The following FAT3 variants were observed in gnomAD, a reference collection of about 807,000 sequenced individuals.
FAT3 encodes protocadherin Fat 3.
FAT3 carries 95 observed loss-of-function variants against 310.2 expected under a neutral mutation model. That is an observed-to-expected ratio of 0.31 (90% CI 0.26 to 0.36). FAT3 has a LOEUF of 0.36. FAT3 is among the 10% of genes least tolerant of loss of function. The pLI is 1.00. For missense variants in FAT3, 5,408 were observed against 5,715.6 expected, an observed-to-expected ratio of 0.95 and a Z score of 1.74; for synonymous variants, 2,314 against 2,192.9, an observed-to-expected ratio of 1.06 and a Z score of -1.54.
intron 2 of FAT3, among the ~76,000 whole-genome samples, chr11:92,451,428 C>A (rs1164566331): frequency 1.3e-5 from 2 of 152,162 alleles, no homozygotes; most frequent in Non-Finnish European, 2.9e-5. Flanking sequence ...TTGGATATTT[C>A]TCTGACCTTG....
At chr11:92,596,547 G>A (rs936637453) in intron 3 of FAT3, among the ~76,000 whole-genome samples, 3 of 152,162 alleles carry the variant, frequency 2.0e-5, no homozygotes, top group Non-Finnish European at 4.4e-5. Flanking sequence ...ACCATCTCAT[G>A]CACAGACAAT....
intron 3 of FAT3, among the ~76,000 whole-genome samples, chr11:92,604,953 G>A (rs763344717): frequency 8.5e-5 from 13 of 152,276 alleles, no homozygotes; most frequent in East Asian, 5.8e-4. Context: ...TGCCTTCTGC[G>A]TGATGCTTAT....
At chr11:92,276,273 T>A (rs551176898) in intron 1 of FAT3, among the ~76,000 whole-genome samples, 23 of 152,132 alleles carry the variant, frequency 1.5e-4, no homozygotes, top group Non-Finnish European at 3.1e-4. Flanking sequence ...ATCACAGAAG[T>A]TAGAGCCAAA....
At chr11:92,314,585 G>A (rs1426401155) in intron 1 of FAT3, among the ~76,000 whole-genome samples, 1 of 152,150 alleles carries the variant, frequency 6.6e-6, no homozygotes, top group Non-Finnish European at 1.5e-5. Flanking sequence ...AGCAGTTACA[G>A]GCTGCCAGTA....
In FAT3 at chr11:92,883,269, C is replaced by T. The variant is rs527334155; in HGVS notation, c.12813C>T (p.Pro4271=). 1 of 1,612,852 alleles carries T rather than the reference C, an allele frequency of 6.2e-7. No homozygotes were observed. The highest frequency in any genetic ancestry group is 1.3e-5 in the African/African-American group (1 of 75,042). The change falls in exon 24 of 28, where the codon CCC becomes CCT. Residue 4271 remains proline, a synonymous_variant. Coordinates refer to ENST00000525166, the MANE Select transcript of FAT3 (RefSeq NM_001367949.2). The surrounding 1 kb of genome is among the most constrained non-coding windows in gnomAD (Gnocchi z 4.2). The part of the protein sequence containing the change: ...QEMTTFHPES[P]RILTARRGVV... ...TGACCACGTTTCACCCTGAGTCGCC[C>T]CGCATCCTGACAGCCCGGCGGGGCG...
At chr11:92,403,107 A>C (rs1275387034) in intron 2 of FAT3, 2 of 152,266 alleles carry the variant, frequency 1.3e-5, no homozygotes, top group African/African-American at 4.8e-5. Flanking sequence ...CTCAGCTTAC[A>C]TACGCAGAGC....
intron 3 of FAT3, chr11:92,559,316 A>G: frequency 5.1e-6 from 1 of 194,554 alleles, no homozygotes; most frequent in Non-Finnish European, 1.1e-5. Context: ...CCTGAGCCCC[A>G]AGCAACAACT....
chr11:92,268,331 C>T (rs1237306438), intron 1 of FAT3, among the ~76,000 whole-genome samples: 2 of 152,100 alleles, frequency 1.3e-5, no homozygotes, highest in Admixed American at 1.3e-4. Flanking sequence ...ATTAAAGCCA[C>T]TCAGCTCCTT....
At chr11:92,575,563 A>G (rs1938438649) in intron 3 of FAT3, among the ~76,000 whole-genome samples, 1 of 152,180 alleles carries the variant, frequency 6.6e-6, no homozygotes, top group African/African-American at 2.4e-5. Context: ...CCCTTTGACA[A>G]TGTTAACATT....
intron 4 of FAT3, among the ~76,000 whole-genome samples, chr11:92,747,995 C>T (rs1055412091): frequency 4.6e-5 from 7 of 152,208 alleles, no homozygotes; most frequent in Admixed American, 1.3e-4. Flanking sequence ...TTACTGAGTT[C>T]CAAAGTCACT....
chr11:92,789,318 A>C (rs1320280565), intron 7 of FAT3, among the ~76,000 whole-genome samples: 2 of 152,208 alleles, frequency 1.3e-5, no homozygotes, highest in Non-Finnish European at 2.9e-5. Context: ...TGTTCATTAC[A>C]CTATTTTATA....
intron 2 of FAT3, among the ~76,000 whole-genome samples, chr11:92,406,252 CTT>C (rs1198726160): frequency 6.6e-6 from 1 of 152,118 alleles, no homozygotes; most frequent in East Asian, 1.9e-4. Flanking sequence ...AAAAGAGACT[CTT>C]TTACCATTTG....
intron 3 of FAT3, among the ~76,000 whole-genome samples, chr11:92,622,292 A>AAG (rs397803204): frequency 1.3e-5 from 2 of 152,054 alleles, no homozygotes; most frequent in African/African-American, 4.8e-5. Context: ...AAAAAAAAAA[A>AAG]TGGTGGAACA....
At chr11:92,478,460 A>G (rs905437804) in intron 2 of FAT3, among the ~76,000 whole-genome samples, 2 of 152,098 alleles carry the variant, frequency 1.3e-5, no homozygotes, top group African/African-American at 4.8e-5. Flanking sequence ...GCGACTACCA[A>G]TTATTGCTTC....
intron 3 of FAT3, among the ~76,000 whole-genome samples, chr11:92,667,669 T>A (rs935693754): frequency 7.9e-5 from 12 of 152,128 alleles, no homozygotes; most frequent in Non-Finnish European, 1.5e-5. Context: ...ACTGATGTCA[T>A]CCCTAGCAAC....
rs529698803 is a variant in FAT3, at chr11:92,789,424, G to C, written c.4336-519G>C. ...GTACCTTAGCTATCATTAGCGCCACGTTCTTTGCTGGACCCCTACTATCAG... is the reference window on the plus strand; with the variant it reads ...GTACCTTAGCTATCATTAGCGCCACCTTCTTTGCTGGACCCCTACTATCAG... On this transcript the variant is annotated intron_variant, in intron 7 of 27. Transcript: ENST00000525166. Among the ~76,000 whole-genome samples the C allele has an allele frequency of 3.3e-5, 5 of 152,218 alleles. No individual in the cohort carries two copies. The South Asian group carries it at 1.0e-3, about 32-fold the overall frequency.
intron 4 of FAT3, among the ~76,000 whole-genome samples, chr11:92,760,509 A>C (rs1042049492): frequency 2.6e-5 from 4 of 152,334 alleles, no homozygotes; most frequent in Admixed American, 2.6e-4. Context: ...TGTTTCATTC[A>C]AGCTAATGAT....
At chr11:92,290,798 TA>T (rs2134393157) in intron 1 of FAT3, among the ~76,000 whole-genome samples, 1 of 151,978 alleles carries the variant, frequency 6.6e-6, no homozygotes, top group African/African-American at 2.4e-5. Context: ...AAATATATTT[TA>T]AAAGAGGTAT....
At chr11:92,583,857 G>A (rs1358241011) in intron 3 of FAT3, among the ~76,000 whole-genome samples, 1 of 147,140 alleles carries the variant, frequency 6.8e-6, no homozygotes. Flanking sequence ...GCAGAATATG[G>A]TTTCACATAG....
Sources: gnomAD v4.1 joint callset for allele counts (sites outside exome capture counted in the v4.1 genomes callset) on GRCh38, gnomAD v4.1.1 for gene constraint, Gnocchi (gnomAD v3.1) non-coding constraint, MANE v1.5 for transcripts, NCBI Gene and HGNC (gene_info 2026-07-23, HGNC 2026-07-21) for gene names.